GATAD2B: variants seen among roughly 807,000 people sequenced by gnomAD.
GATAD2B encodes the protein GATA zinc finger domain containing 2B.
A neutral mutation model predicts 64.3 loss-of-function variants in GATAD2B; 8 were observed. The ratio of observed to expected loss-of-function variants is 0.12; its 90% confidence interval spans 0.07 to 0.22. The LOEUF (loss-of-function observed/expected upper bound fraction) is 0.22. Among genes scored for constraint, GATAD2B ranks in the 10% least tolerant of loss-of-function variants. GATAD2B has a pLI of 1.00. For missense variants in GATAD2B, 453 were observed against 752.0 expected, an observed-to-expected ratio of 0.60 and a Z score of 4.65; for synonymous variants, 281 against 271.3, an observed-to-expected ratio of 1.04 and a Z score of -0.35.
At chr1:153,830,916 C>CG (rs1488422674) in intron 1 of GATAD2B, among the ~76,000 whole-genome samples, 3 of 152,086 alleles carry the variant, frequency 2.0e-5, no homozygotes, top group African/African-American at 7.2e-5. Flanking sequence ...TAGCTAGAGA[C>CG]GCGTGCCACC....
At chr1:153,842,393 TCTC>T (rs1389904915) in intron 1 of GATAD2B, among the ~76,000 whole-genome samples, 6 of 152,304 alleles carry the variant, frequency 3.9e-5, no homozygotes, top group Admixed American at 1.3e-4. Context: ...ATCTATGTGG[TCTC>T]CTATTTTTAG....
Position 153,818,191 on chromosome 1 carries a change from A to G in GATAD2B, c.598-20T>C, listed in dbSNP as rs779521431. 1.3e-6 allele frequency: 2 copies of G among 1,574,690 alleles called. No individual in the cohort carries two copies. Among genetic ancestry groups the G allele is most frequent in the Admixed American group, 1.9e-5 (1 of 53,404 alleles). ...TGGAGTCTGGGAGAGGGAAGAGAAA[A>G]TAAGACTGTGGCCAATAATCACAGG... On this transcript the variant is annotated intron_variant, in intron 4 of 10. Coordinates refer to ENST00000368655, the MANE Select transcript of GATAD2B (RefSeq NM_020699.4).
intron 1 of GATAD2B, among the ~76,000 whole-genome samples, chr1:153,906,009 C>T (rs1027325146): frequency 2.5e-4 from 37 of 146,492 alleles, no homozygotes; most frequent in Non-Finnish European, 2.1e-4. Flanking sequence ...GGAGGTTGCA[C>T]TGGGCCGAGA....
At chr1:153,910,320 T>C (rs1001189693) in intron 1 of GATAD2B, among the ~76,000 whole-genome samples, 10 of 152,224 alleles carry the variant, frequency 6.6e-5, no homozygotes, top group Admixed American at 4.6e-4. Context: ...TTTTCGACTT[T>C]ACGATGGTGT....
At chr1:153,879,016 T>C (rs909003917) in intron 1 of GATAD2B, among the ~76,000 whole-genome samples, 2 of 152,036 alleles carry the variant, frequency 1.3e-5, no homozygotes, top group Non-Finnish European at 2.9e-5. Context: ...CTTGGCTCAC[T>C]GCAACCTCCG....
chr1:153,881,163 G>T (rs1009088820), intron 1 of GATAD2B, among the ~76,000 whole-genome samples: 10 of 151,958 alleles, frequency 6.6e-5, no homozygotes, highest in Non-Finnish European at 2.9e-5. Context: ...ACGAGCGCGC[G>T]CACATTCTCA....
chr1:153,861,435 T>TA (rs1272085750), intron 1 of GATAD2B, among the ~76,000 whole-genome samples: 3 of 150,260 alleles, frequency 2.0e-5, no homozygotes, highest in Admixed American at 6.7e-5. Flanking sequence ...AATATATACA[T>TA]AAAAAAAGAG....
intron 1 of GATAD2B, among the ~76,000 whole-genome samples, chr1:153,896,433 CTTTTTT>C (rs35275252): frequency 8.6e-6 from 1 of 115,986 alleles, no homozygotes; most frequent in African/African-American, 3.2e-5. Flanking sequence ...GTAAAATTTT[CTTTTTT>C]TTTTTTTTTT....
intron 2 of GATAD2B, among the ~76,000 whole-genome samples, chr1:153,823,497 G>A (rs141777947): frequency 6.6e-6 from 1 of 152,060 alleles, no homozygotes; most frequent in Non-Finnish European, 1.5e-5. Context: ...AACTTCTCTT[G>A]CCTTCTGCTT....
intron 1 of GATAD2B, among the ~76,000 whole-genome samples, chr1:153,845,955 G>A (rs908227737): frequency 5.6e-5 from 4 of 71,240 alleles, no homozygotes; most frequent in Non-Finnish European, 1.2e-4. Context: ...CCCCCCCCCC[G>A]CCCCAAAACT....
At chr1:153,882,283 C>G (rs1034252888) in intron 1 of GATAD2B, among the ~76,000 whole-genome samples, 1 of 152,086 alleles carries the variant, frequency 6.6e-6, no homozygotes, top group Non-Finnish European at 1.5e-5. Context: ...TAGGAAATCA[C>G]AGCATCAATA....
chr1:153,827,017 G>A (rs1457320926), intron 2 of GATAD2B, among the ~76,000 whole-genome samples: 1 of 151,280 alleles, frequency 6.6e-6, no homozygotes, highest in Non-Finnish European at 1.5e-5. Flanking sequence ...AGGCTGAGGA[G>A]GGAGGACCAC....
intron 1 of GATAD2B, among the ~76,000 whole-genome samples, chr1:153,830,709 T>A (rs887500977): frequency 6.6e-6 from 1 of 151,476 alleles, no homozygotes. Context: ...TCTCCTGACC[T>A]CGTGATCCGC....
At chr1:153,820,845 G>C (rs1196667256) in intron 2 of GATAD2B, among the ~76,000 whole-genome samples, 2 of 151,984 alleles carry the variant, frequency 1.3e-5, no homozygotes, top group Admixed American at 6.6e-5. Context: ...GCCCAAGCTG[G>C]TCTTAAGCGA....
intron 1 of GATAD2B, among the ~76,000 whole-genome samples, chr1:153,891,116 G>A (rs1475965643): frequency 7.9e-5 from 12 of 151,640 alleles, no homozygotes; most frequent in East Asian, 7.7e-4. Context: ...CCTGGGAGGC[G>A]GAGTTTGCAG....
intron 1 of GATAD2B, among the ~76,000 whole-genome samples, chr1:153,839,592 T>G (rs1358969600): frequency 1.3e-5 from 2 of 152,180 alleles, no homozygotes; most frequent in African/African-American, 4.8e-5. Flanking sequence ...ATAAGATGGT[T>G]ATGTTACTTA....
chr1:153,835,611 A>AC (rs199864074), intron 1 of GATAD2B, among the ~76,000 whole-genome samples: 5,114 of 152,288 alleles, frequency 0.034, 146 homozygotes, highest in Non-Finnish European at 0.051. Context: ...GATTGTTAGT[A>AC]CTTTTTAGCA....
intron 2 of GATAD2B, 94 bp downstream of exon 2, chr1:153,827,919 G>A (rs1674938737): frequency 1.2e-6 from 1 of 857,560 alleles, no homozygotes; most frequent in Non-Finnish European, 1.9e-6. Context: ...GAATCTTTAG[G>A]ATGAAAAACA....
chr1:153,822,718 C>CA (rs1365691876), intron 2 of GATAD2B, among the ~76,000 whole-genome samples: 1 of 152,168 alleles, frequency 6.6e-6, no homozygotes, highest in Non-Finnish European at 1.5e-5. Context: ...AGACTGGTCT[C>CA]AAACTCCTGA....
Sources: gnomAD v4.1 joint callset for allele counts (sites outside exome capture counted in the v4.1 genomes callset) on GRCh38, gnomAD v4.1.1 for gene constraint, MANE v1.5 for transcripts, NCBI Gene and HGNC (gene_info 2026-07-23, HGNC 2026-07-21) for gene names.